Variants in FAM20B observed in about 807,000 individuals in gnomAD.
FAM20B encodes FAM20B glycosaminoglycan xylosylkinase.
Under a neutral mutation model 43.8 loss-of-function variants are expected in FAM20B, and 23 were observed. The observed-to-expected ratio is 0.53, with a 90% confidence interval of 0.38 to 0.74. FAM20B has a LOEUF of 0.74. Among genes scored for constraint, FAM20B ranks in the 30% least tolerant of loss-of-function variants. The pLI is 0.00. For synonymous variants in FAM20B, 178 were observed against 192.4 expected, an observed-to-expected ratio of 0.93 and a Z score of 0.62; for missense variants, 440 against 510.5, an observed-to-expected ratio of 0.86 and a Z score of 1.33.
chr1:179,066,221 C>T (rs558863908), intron 6 of FAM20B, among the ~76,000 whole-genome samples: 16 of 152,312 alleles, frequency 1.1e-4, no homozygotes, highest in African/African-American at 3.8e-4. Flanking sequence ...TTTCCAGAAT[C>T]AGTTCTCCTT....
At chr1:179,029,675 G>A (rs1389327250) in intron 1 of FAM20B, among the ~76,000 whole-genome samples, 1 of 152,202 alleles carries the variant, frequency 6.6e-6, no homozygotes, top group African/African-American at 2.4e-5. Context: ...GCAGGTCAAG[G>A]AATATGAAAT....
intron 3 of FAM20B, among the ~76,000 whole-genome samples, chr1:179,052,259 A>G (rs1190033922): frequency 6.6e-6 from 1 of 152,216 alleles, no homozygotes; most frequent in Non-Finnish European, 1.5e-5. Context: ...GGTTAAGAGT[A>G]TAAACATTGT....
intron 1 of FAM20B, among the ~76,000 whole-genome samples, chr1:179,041,333 G>A (rs1012939993): frequency 1.3e-5 from 2 of 152,132 alleles, no homozygotes; most frequent in East Asian, 1.9e-4. Flanking sequence ...GTAGCGAGCC[G>A]AGATCACGCC....
At chr1:179,070,285 A>G (rs1651862772) in intron 7 of FAM20B, among the ~76,000 whole-genome samples, 8 of 152,032 alleles carry the variant, frequency 5.3e-5, no homozygotes, top group Admixed American at 5.2e-4. Flanking sequence ...ACCTCAAGTG[A>G]TCTGACCCCT....
intron 7 of FAM20B, among the ~76,000 whole-genome samples, chr1:179,068,323 A>G (rs2102526360): frequency 6.6e-6 from 1 of 152,256 alleles, no homozygotes. Flanking sequence ...GATATATACA[A>G]TCAAGAATTG....
chr1:179,057,762 T>C (rs74806386), intron 4 of FAM20B, among the ~76,000 whole-genome samples: 2,109 of 152,098 alleles, frequency 0.014, 60 homozygotes, highest in African/African-American at 0.048. Context: ...CTGAATGACC[T>C]TCTTATCTTC....
the FAM20B span, among the ~76,000 whole-genome samples, chr1:179,018,170 C>G: frequency 6.6e-6 from 1 of 152,180 alleles, no homozygotes; most frequent in Non-Finnish European, 1.5e-5. Flanking sequence ...TGCCTGGGTC[C>G]TGGGAGAACA....
chr1:179,022,979 C>T (rs1048684000), upstream of FAM20B, among the ~76,000 whole-genome samples: 1 of 152,210 alleles, frequency 6.6e-6, no homozygotes, highest in African/African-American at 2.4e-5. Context: ...GAGGAAGAAT[C>T]AATGTGATCA....
intron 1 of FAM20B, 65 bp from the exon 2 acceptor site, chr1:179,043,650 C>A: frequency 1.9e-6 from 1 of 525,660 alleles, no homozygotes; most frequent in Non-Finnish European, 3.4e-6. Flanking sequence ...TAGAGGCTTA[C>A]AAAAGATTCA....
intron 1 of FAM20B, chr1:179,035,167 A>T (rs1254464166): frequency 5.5e-6 from 2 of 364,194 alleles, no homozygotes; most frequent in Non-Finnish European, 1.0e-5. Context: ...GAGATTTATC[A>T]CATGATCTGT....
chr1:179,033,764 C>T (rs1459482935), intron 1 of FAM20B, among the ~76,000 whole-genome samples: 1 of 152,134 alleles, frequency 6.6e-6, no homozygotes, highest in Non-Finnish European at 1.5e-5. Context: ...GTGATGTCGG[C>T]TCACTGCAAC....
chr1:179,071,285 G>T (rs1229763180), intron 7 of FAM20B, among the ~76,000 whole-genome samples: 36 of 151,938 alleles, frequency 2.4e-4, no homozygotes. Flanking sequence ...GACAGAGCAA[G>T]ACTCTGTCTC....
Position 179,026,041 on chromosome 1 carries a change from G to A in FAM20B, c.-191G>A, listed in dbSNP as rs1649752603. 1 of 145,146 alleles carries A rather than the reference G, an allele frequency of 6.9e-6. No homozygotes were observed. Among genetic ancestry groups the A allele is most frequent in the African/African-American group, 2.5e-5 (1 of 40,448 alleles). The allele number at this position is 145,146 out of a possible 1,614,324, so 9.0% of individuals were successfully genotyped here. A position where few individuals can be genotyped will look rare whatever the true frequency, so the allele number is the denominator to read the frequency against. On this transcript the variant is annotated 5_prime_UTR_variant, in exon 1 of 8. Transcript: ENST00000263733. The stretch of plus-strand genomic sequence containing the variant: ...CTCCCCGGAGGCGGCGGGGGCGGCC[G>A]GGGCCGCGCCGCACCGCACCGCGCG...
In FAM20B at chr1:179,050,355, C is replaced by T. The variant is rs766480524; in HGVS notation, c.454C>T (p.His152Tyr). Reference sequence around the variant, plus strand: ...ACACAATGCAGAGGTAGCAGCCTTTCACTTGGACAGGTGCGTATGATCACA... The same window carrying T: ...ACACAATGCAGAGGTAGCAGCCTTTTACTTGGACAGGTGCGTATGATCACA... ...DRHNAEVAAF[H>Y]LDRILGFHRA... Residue 152 changes from histidine to tyrosine, a missense_variant, in exon 3 of 8, where the codon CAC becomes TAC. By Grantham distance (83) the His-to-Tyr change is moderately conservative. Coordinates refer to ENST00000263733, the MANE Select transcript of FAM20B (RefSeq NM_014864.4). 31 of 1,613,186 alleles carry T rather than the reference C, an allele frequency of 1.9e-5. No individual in the cohort carries two copies. Among genetic ancestry groups the T allele is most frequent in the Non-Finnish European group, 2.5e-5 (29 of 1,179,254 alleles).
In FAM20B at chr1:179,037,479, C is replaced by CTTTTTTTT. The variant is rs768903406; in HGVS notation, c.-133-6222_-133-6215dup. Among the ~76,000 whole-genome samples the CTTTTTTTT allele has an allele frequency of 3.0e-3, 261 of 88,354 alleles. 7 individuals carry two copies. Among genetic ancestry groups the CTTTTTTTT allele is most frequent in the Non-Finnish European group, 3.4e-3 (171 of 49,908 alleles). 58.0% of individuals were successfully genotyped at this position (88,354 alleles called of 152,430 possible). ...GCTTGCTTGCTTTCTGTATGTCGGT[C>CTTTTTTTT]TTTTTTTTTTTTTTTTTTTTTGTGA... On this transcript the variant is annotated intron_variant, in intron 1 of 7. Transcript: ENST00000263733.
intron 4 of FAM20B, among the ~76,000 whole-genome samples, chr1:179,059,493 AC>A (rs1651367657): frequency 6.6e-6 from 1 of 151,988 alleles, no homozygotes; most frequent in African/African-American, 2.4e-5. Flanking sequence ...CTAAATGTTA[AC>A]CCCAGGAACC....
Position 179,043,905 on chromosome 1 carries a change from A to G in FAM20B, c.58A>G (p.Thr20Ala), listed in dbSNP as rs767015961. The change falls in exon 2 of 8, where the codon ACC becomes GCC. Residue 20 changes from threonine (T) to alanine (A), a missense_variant. By Grantham distance (58) the Thr-to-Ala change is moderately conservative (BLOSUM62 0). Coordinates refer to ENST00000263733, the MANE Select transcript of FAM20B (RefSeq NM_014864.4). ...LAILLVIFIF[T>A]KVFLIDNLDT... ...AATTCTCCTTGTCATTTTTATCTTC[A>G]CCAAAGTTTTCCTGATTGACAACTT... 13 of 1,610,938 alleles carry G rather than the reference A, an allele frequency of 8.1e-6. No individual in the cohort carries two copies. Among genetic ancestry groups the G allele is most frequent in the Non-Finnish European group, 1.1e-5 (13 of 1,177,362 alleles).
At chr1:179,031,709 C>T (rs144534608) in intron 1 of FAM20B, among the ~76,000 whole-genome samples, 91 of 152,194 alleles carry the variant, frequency 6.0e-4, no homozygotes, top group Non-Finnish European at 4.7e-4. Context: ...ACACTTGGAC[C>T]AATTTGGATT....
At position 179,066,823 on chromosome 1, in the gene FAM20B, A is replaced by T. The variant is rs1490330251; in HGVS notation, c.962A>T (p.Glu321Val). ...AKSFGNPSLDERSILAPLYQC... is the reference protein window; with the variant it reads ...AKSFGNPSLDVRSILAPLYQC... ...AGCTTTGGGAACCCCTCGCTGGATG[A>T]AAGAAGCATTCTTGCCCCTCTCTAT... The change falls in exon 7 of 8, where the codon GAA (glutamate) becomes GTA (valine). Residue 321 changes from glutamate to valine, a missense_variant. Physicochemically the swap from Glu to Val is moderately radical, Grantham distance 121. Transcript: ENST00000263733. The T allele has an allele frequency of 6.2e-7, 1 of 1,613,182 alleles. No homozygotes were observed.
Sources: gnomAD v4.1 joint callset for allele counts (sites outside exome capture counted in the v4.1 genomes callset) on GRCh38, gnomAD v4.1.1 for gene constraint, MANE v1.5 for transcripts, NCBI Gene and HGNC (gene_info 2026-07-23, HGNC 2026-07-21) for gene names.